ACBD6: variants seen among roughly 807,000 people sequenced by gnomAD.
ACBD6 encodes acyl-CoA-binding domain-containing protein 6.
Under a neutral mutation model 37.2 loss-of-function variants are expected in ACBD6, and 28 were observed. That is an observed-to-expected ratio of 0.75 (90% CI 0.56 to 1.03). The LOEUF is 1.03. Ranked by LOEUF, ACBD6 falls within the 50% of genes least tolerant of loss-of-function variation. ACBD6 has a pLI of 0.00. For synonymous variants in ACBD6, 113 were observed against 126.8 expected, an observed-to-expected ratio of 0.89 and a Z score of 0.73; for missense variants, 340 against 337.4, an observed-to-expected ratio of 1.01 and a Z score of -0.06.
chr1:180,385,141 T>C (rs1653804172), intron 6 of ACBD6, among the ~76,000 whole-genome samples: 1 of 151,894 alleles, frequency 6.6e-6, no homozygotes, highest in Non-Finnish European at 1.5e-5. Flanking sequence ...TCAAGGCAGT[T>C]AGAAGAGAGA....
chr1:180,475,015 C>T (rs924131827), intron 3 of ACBD6, among the ~76,000 whole-genome samples: 2 of 152,072 alleles, frequency 1.3e-5, no homozygotes, highest in African/African-American at 2.4e-5. Context: ...TGGGTTTTCA[C>T]AAACTGAATA....
chr1:180,469,572 T>C (rs74797288), intron 3 of ACBD6, among the ~76,000 whole-genome samples: 3,029 of 152,234 alleles, frequency 0.02, 97 homozygotes, highest in African/African-American at 0.068. Context: ...TCAATATAGA[T>C]GAAGAAAATA....
chr1:180,499,131 AT>A (rs1244976147), intron 1 of ACBD6, among the ~76,000 whole-genome samples: 1 of 152,194 alleles, frequency 6.6e-6, no homozygotes, highest in Non-Finnish European at 1.5e-5. Flanking sequence ...ATTTCAGCTT[AT>A]TTTTATTATC....
intron 7 of ACBD6, among the ~76,000 whole-genome samples, chr1:180,292,912 TTTTG>T (rs1649772948): frequency 6.7e-6 from 1 of 148,690 alleles, no homozygotes; most frequent in African/African-American, 2.6e-5. Context: ...TGTTGTGAGT[TTTTG>T]TTGTTGTTGT....
intron 4 of ACBD6, among the ~76,000 whole-genome samples, chr1:180,416,780 C>T (rs1448913278): frequency 6.6e-6 from 1 of 152,108 alleles, no homozygotes; most frequent in Non-Finnish European, 1.5e-5. Flanking sequence ...GATCCTTGCC[C>T]ATTCCTAAAT....
intron 3 of ACBD6, among the ~76,000 whole-genome samples, chr1:180,460,078 C>T (rs1650078165): frequency 6.6e-6 from 1 of 150,898 alleles, no homozygotes; most frequent in Non-Finnish European, 1.5e-5. Flanking sequence ...TGTGCTGCAC[C>T]CATTAACTCA....
At chr1:180,495,617 C>A in intron 1 of ACBD6, 92 bp from the exon 2 acceptor site, 1 of 987,378 alleles carries the variant, frequency 1.0e-6, no homozygotes, top group Non-Finnish European at 1.6e-6. Context: ...ATTCAGTAAC[C>A]ATAGGTTGGA....
intron 6 of ACBD6, among the ~76,000 whole-genome samples, chr1:180,352,635 A>G (rs1329464580): frequency 6.6e-6 from 1 of 152,254 alleles, no homozygotes; most frequent in Non-Finnish European, 1.5e-5. Flanking sequence ...CAGTAAGGGT[A>G]AACAATACAG....
rs550173067 is a variant in ACBD6, at chr1:180,412,885, A to G, written c.573+481T>C. On this transcript the variant is annotated intron_variant, in intron 5 of 7. Transcript: ENST00000367595. The stretch of plus-strand genomic sequence containing the variant: ...TGTTTCTCCCTCCAAAAAAAGGAGT[A>G]ATATATTTTATAAAATAATTTACTA... 1.6e-4 allele frequency among the ~76,000 whole-genome samples: 24 copies of G among 152,278 alleles called. No homozygotes were observed. The South Asian group carries it at 4.8e-3, about 30-fold the overall frequency.
intron 7 of ACBD6, among the ~76,000 whole-genome samples, chr1:180,313,425 G>C (rs1650669803): frequency 1.3e-5 from 2 of 152,194 alleles, no homozygotes; most frequent in South Asian, 2.1e-4. Flanking sequence ...TATCCCTCCA[G>C]AATGATTTGG....
At chr1:180,304,272 G>A (rs1428502013) in intron 7 of ACBD6, among the ~76,000 whole-genome samples, 5 of 150,538 alleles carry the variant, frequency 3.3e-5, no homozygotes, top group Admixed American at 2.0e-4. Flanking sequence ...TCAGGCAGGA[G>A]AAGGAAATAA....
chr1:180,409,840 G>A (rs777233329), intron 5 of ACBD6, among the ~76,000 whole-genome samples: 10 of 152,254 alleles, frequency 6.6e-5, no homozygotes, highest in South Asian at 2.1e-4. Context: ...GGGCTGCACC[G>A]TCTCTCACCT....
intron 7 of ACBD6, among the ~76,000 whole-genome samples, chr1:180,304,252 GC>G (rs1650253658): frequency 6.6e-6 from 1 of 150,504 alleles, no homozygotes; most frequent in South Asian, 2.1e-4. Context: ...GGAAGTTCTG[GC>G]CAGGGTAATC....
At chr1:180,304,920 A>G (rs1650290287) in intron 7 of ACBD6, among the ~76,000 whole-genome samples, 1 of 152,182 alleles carries the variant, frequency 6.6e-6, no homozygotes, top group Admixed American at 6.5e-5. Context: ...GACCAATGGT[A>G]CAGAACAGAG....
exon 14 of ACBD6, chr1:180,271,233 C>CGAG (rs1648635745): frequency 2.3e-6 from 2 of 853,204 alleles, no homozygotes; most frequent in Non-Finnish European, 2.0e-6. Context: ...GAGTGGGGAC[C>CGAG]TCTCCACTCT....
intron 5 of ACBD6, among the ~76,000 whole-genome samples, chr1:180,407,023 T>A (rs1462345427): frequency 6.6e-6 from 1 of 152,212 alleles, no homozygotes. Flanking sequence ...GAGCTTTAAA[T>A]GTGATGAAGC....
intron 6 of ACBD6, among the ~76,000 whole-genome samples, chr1:180,325,247 G>A (rs183730406): frequency 1.5e-3 from 225 of 152,082 alleles, no homozygotes; most frequent in African/African-American, 5.3e-3. Flanking sequence ...CCCTTTTGAG[G>A]CTGTTTTCTA....
At chr1:180,435,883 T>C in intron 3 of ACBD6, 2 of 1,389,116 alleles carry the variant, frequency 1.4e-6, no homozygotes, top group Non-Finnish European at 2.0e-6. Context: ...CTCTTCTGGA[T>C]GGCAAGAACG....
intron 3 of ACBD6, among the ~76,000 whole-genome samples, chr1:180,489,174 A>T (rs568191749): frequency 6.6e-6 from 1 of 151,644 alleles, no homozygotes; most frequent in Non-Finnish European, 1.5e-5. Flanking sequence ...TCAAAAAAAT[A>T]AAAAAAAACT....
Sources: allele counts gnomAD v4.1 joint callset (sites outside exome capture counted in the v4.1 genomes callset), GRCh38; gene constraint gnomAD v4.1.1; transcripts MANE v1.5; gene names NCBI Gene and HGNC (gene_info 2026-07-23, HGNC 2026-07-21).